Variants in GPC5 observed in about 807,000 individuals in gnomAD.
GPC5 encodes the protein glypican-5.
In GPC5, 47 loss-of-function variants were observed where a neutral mutation model predicts 53.9. That is an observed-to-expected ratio of 0.87 (90% CI 0.69 to 1.11). GPC5 has a LOEUF of 1.11. Among genes scored for constraint, GPC5 ranks in the 50% most tolerant of loss-of-function variants. GPC5 has a pLI of 0.00. For missense variants in GPC5, 748 were observed against 713.1 expected (o/e 1.05, Z -0.56); for synonymous variants, 286 against 263.3 (o/e 1.09, Z -0.84).
intron 7 of GPC5, among the ~76,000 whole-genome samples, chr13:92,393,884 T>A (rs566372085): frequency 1.3e-5 from 2 of 152,312 alleles, no homozygotes; most frequent in Admixed American, 6.5e-5. Context: ...AAGCTGTTTT[T>A]TATTTCAGTT....
chr13:92,459,970 T>TACC (rs1298014613), intron 7 of GPC5, among the ~76,000 whole-genome samples: 1 of 152,158 alleles, frequency 6.6e-6, no homozygotes, highest in Non-Finnish European at 1.5e-5. Flanking sequence ...TTTGTATCTT[T>TACC]ACCACATAGC....
At chr13:92,547,422 C>T (rs1882157413) in intron 7 of GPC5, among the ~76,000 whole-genome samples, 1 of 152,110 alleles carries the variant, frequency 6.6e-6, no homozygotes, top group African/African-American at 2.4e-5. Context: ...CGTATTTTTA[C>T]CTGTTTATTT....
Position 91,902,842 on chromosome 13 carries a change from C to T in GPC5, c.1281-5095C>T, listed in dbSNP as rs74106572. ...AGATCCTAAAGTACTCACTTAATGACGACAGACCACTTAGTCTATGTTAAA... is the reference window on the plus strand; with the variant it reads ...AGATCCTAAAGTACTCACTTAATGATGACAGACCACTTAGTCTATGTTAAA... On this transcript the variant is annotated intron_variant, in intron 5 of 7. Coordinates refer to ENST00000377067, the MANE Select transcript of GPC5 (RefSeq NM_004466.6). Among the ~76,000 whole-genome samples the T allele has an allele frequency of 5.6e-3, 845 of 151,942 alleles. 9 individuals carry two copies. The highest frequency in any genetic ancestry group is 0.019 in the African/African-American group (780 of 41,480).
At chr13:92,084,521 A>G (rs894480808) in intron 6 of GPC5, among the ~76,000 whole-genome samples, 4 of 152,134 alleles carry the variant, frequency 2.6e-5, no homozygotes, top group African/African-American at 9.7e-5. Flanking sequence ...TCTTTTCTTC[A>G]AAATATAACC....
At chr13:91,601,469 C>A (rs1470055645) in intron 2 of GPC5, among the ~76,000 whole-genome samples, 1 of 152,130 alleles carries the variant, frequency 6.6e-6, no homozygotes, top group East Asian at 1.9e-4. Flanking sequence ...GGACCCCTAC[C>A]AGTCCGTGGC....
chr13:91,730,137 CAT>C (rs1409724878), intron 4 of GPC5, among the ~76,000 whole-genome samples: 42 of 152,326 alleles, frequency 2.8e-4, no homozygotes, highest in Admixed American at 2.5e-3. Context: ...AGGAACTGCA[CAT>C]GAGTCCACTT....
In GPC5 at chr13:92,800,455, A is replaced by G. The variant is rs182640934; in HGVS notation, c.1562-65827A>G. On this transcript the variant is annotated intron_variant, in intron 7 of 7. Transcript: ENST00000377067. ...AGCATGTCCCAGCAATTCATAAAACATGAAAGCTCTGCCCAAACAGTAAGT... is the reference window on the plus strand; with the variant it reads ...AGCATGTCCCAGCAATTCATAAAACGTGAAAGCTCTGCCCAAACAGTAAGT... Among the ~76,000 whole-genome samples the G allele has an allele frequency of 8.6e-5, 13 of 152,000 alleles. No homozygotes were observed. The East Asian group carries it at 2.5e-3, about 30-fold the overall frequency.
intron 7 of GPC5, among the ~76,000 whole-genome samples, chr13:92,815,718 G>A (rs1877449993): frequency 6.6e-6 from 1 of 151,658 alleles, no homozygotes; most frequent in Non-Finnish European, 1.5e-5. Flanking sequence ...AGGGGTGGGG[G>A]TGTGGGAATA....
At chr13:92,405,369 G>T (rs1226714455) in intron 7 of GPC5, among the ~76,000 whole-genome samples, 2 of 152,174 alleles carry the variant, frequency 1.3e-5, no homozygotes, top group East Asian at 3.9e-4. Context: ...GAGGAGAAGT[G>T]CAAACAACAC....
chr13:91,644,858 T>G (rs16946339), intron 2 of GPC5, among the ~76,000 whole-genome samples: 11,211 of 152,258 alleles, frequency 0.074, 1,389 homozygotes, highest in African/African-American at 0.26. Flanking sequence ...GGAATGAGTT[T>G]TGGCAAAAAT....
At chr13:91,671,779 G>GCAAAA (rs2035249485) in intron 2 of GPC5, among the ~76,000 whole-genome samples, 1 of 25,036 alleles carries the variant, frequency 4.0e-5, no homozygotes, top group Non-Finnish European at 7.0e-5. Context: ...ACAATCTGAA[G>GCAAAA]CAAAAAAAAA....
intron 7 of GPC5, among the ~76,000 whole-genome samples, chr13:92,840,443 C>T (rs575910081): frequency 2.2e-4 from 34 of 152,062 alleles, no homozygotes; most frequent in African/African-American, 8.0e-4. Context: ...TCTCGACTCC[C>T]TAAATTTATT....
intron 7 of GPC5, among the ~76,000 whole-genome samples, chr13:92,756,636 C>T (rs1327888101): frequency 0.011 from 1,649 of 145,674 alleles, 33 homozygotes; most frequent in African/African-American, 0.04. Flanking sequence ...AGCAAAGTCT[C>T]AGGATACAAA....
chr13:92,513,977 C>T (rs749222291), intron 7 of GPC5, among the ~76,000 whole-genome samples: 1 of 152,012 alleles, frequency 6.6e-6, no homozygotes, highest in African/African-American at 2.4e-5. Context: ...ATTAAAGCTG[C>T]TCAACTTGTC....
chr13:92,001,986 T>C (rs1203097810), intron 6 of GPC5, among the ~76,000 whole-genome samples: 2 of 152,208 alleles, frequency 1.3e-5, no homozygotes, highest in East Asian at 3.9e-4. Flanking sequence ...AAATGAATTG[T>C]GGACAATAAA....
chr13:91,917,936 T>G (rs932754123), intron 6 of GPC5, among the ~76,000 whole-genome samples: 1 of 152,222 alleles, frequency 6.6e-6, no homozygotes, highest in Non-Finnish European at 1.5e-5. Context: ...CTTCCACATT[T>G]TCGGGTATAT....
At chr13:91,945,333 T>C (rs1031478444) in intron 6 of GPC5, among the ~76,000 whole-genome samples, 6 of 152,222 alleles carry the variant, frequency 3.9e-5, no homozygotes, top group African/African-American at 1.2e-4. Flanking sequence ...TCATGGATTC[T>C]GCCAGTTTCT....
At chr13:92,358,665 C>T (rs1198617651) in intron 7 of GPC5, among the ~76,000 whole-genome samples, 2 of 151,806 alleles carry the variant, frequency 1.3e-5, no homozygotes, top group Non-Finnish European at 2.9e-5. Context: ...CAGGCTTAAC[C>T]CCATGTGGAA....
intron 7 of GPC5, among the ~76,000 whole-genome samples, chr13:92,590,417 T>C (rs76833085): frequency 5.6e-4 from 86 of 152,278 alleles, no homozygotes; most frequent in African/African-American, 2.0e-3. Context: ...TAAGCTAGAA[T>C]TGACAGACTG....
Sources: allele counts gnomAD v4.1 joint callset (sites outside exome capture counted in the v4.1 genomes callset), GRCh38; gene constraint gnomAD v4.1.1; transcripts MANE v1.5; gene names NCBI Gene and HGNC (gene_info 2026-07-23, HGNC 2026-07-21).